Variants in RANBP2 observed in about 807,000 individuals in gnomAD.
RANBP2 encodes E3 SUMO-protein ligase RanBP2.
RANBP2 carries 57 observed loss-of-function variants against 303.6 expected under a neutral mutation model. That is an observed-to-expected ratio of 0.19 (90% confidence interval 0.15 to 0.23). RANBP2 has a LOEUF of 0.23. Among genes scored for constraint, RANBP2 ranks in the 10% least tolerant of loss-of-function variants. The probability of loss-of-function intolerance (pLI) is 1.00; values close to 1 mark genes in which losing one functional copy is unlikely to be tolerated. For synonymous variants in RANBP2, 1,167 were observed against 1,301.5 expected (o/e 0.90, Z 2.23); for missense variants, 3,138 against 3,780.8 (o/e 0.83, Z 4.46).
At chr2:109,337,438 C>T in the RANBP2 span, among the ~76,000 whole-genome samples, 3 of 152,190 alleles carry the variant, frequency 2.0e-5, no homozygotes, top group East Asian at 5.8e-4. Flanking sequence ...CTGTGGCCAC[C>T]CCCTCGCATA....
At chr2:108,992,162 A>G in the RANBP2 span, among the ~76,000 whole-genome samples, 1 of 152,156 alleles carries the variant, frequency 6.6e-6, no homozygotes, top group East Asian at 1.9e-4. Context: ...CTTGATACCC[A>G]TGTACCCCAT....
chr2:109,244,601 A>G, the RANBP2 span, among the ~76,000 whole-genome samples: 7 of 152,362 alleles, frequency 4.6e-5, no homozygotes, highest in Non-Finnish European at 7.3e-5. Context: ...AGCTGGCAGG[A>G]TGAGGAAAAC....
the RANBP2 span, among the ~76,000 whole-genome samples, chr2:108,909,723 A>C: frequency 6.6e-6 from 1 of 152,228 alleles, no homozygotes; most frequent in Non-Finnish European, 1.5e-5. Context: ...GATGAATAAA[A>C]TATTGACTTC....
At chr2:109,372,127 G>C in the RANBP2 span, among the ~76,000 whole-genome samples, 1 of 152,344 alleles carries the variant, frequency 6.6e-6, no homozygotes, top group Non-Finnish European at 1.5e-5. Flanking sequence ...CATCTGCAAA[G>C]TCCTCCTTGG....
At chr2:108,911,983 C>A in the RANBP2 span, among the ~76,000 whole-genome samples, 2 of 152,230 alleles carry the variant, frequency 1.3e-5, no homozygotes, top group Non-Finnish European at 2.9e-5. Context: ...GCTACTCCCC[C>A]CGGGGCCTGT....
chr2:108,866,194 G>A, the RANBP2 span, among the ~76,000 whole-genome samples: 1 of 152,190 alleles, frequency 6.6e-6, no homozygotes, highest in African/African-American at 2.4e-5. Context: ...TTGGAAGAAG[G>A]AAGGTCCAGG....
the RANBP2 span, among the ~76,000 whole-genome samples, chr2:109,285,980 G>C: frequency 6.6e-6 from 1 of 152,188 alleles, no homozygotes; most frequent in African/African-American, 2.4e-5. Context: ...CTGCAGGACA[G>C]TTTGCCTAGG....
chr2:109,240,914 T>A, the RANBP2 span, among the ~76,000 whole-genome samples: 1 of 138,352 alleles, frequency 7.2e-6, no homozygotes, highest in Non-Finnish European at 1.5e-5. Flanking sequence ...TGCTCCCCGC[T>A]TCTTTTCTCA....
intron 1 of RANBP2, among the ~76,000 whole-genome samples, chr2:108,725,927 C>T (rs1396334028): frequency 1.3e-5 from 2 of 152,030 alleles, no homozygotes; most frequent in Non-Finnish European, 2.9e-5. Flanking sequence ...TCTCTCACCT[C>T]CTTGTTTACA....
chr2:109,020,923 C>A, the RANBP2 span, among the ~76,000 whole-genome samples: 6 of 152,202 alleles, frequency 3.9e-5, no homozygotes, highest in Admixed American at 1.3e-4. Flanking sequence ...TGAAAGACCA[C>A]CATGACCCAT....
At chr2:109,626,035 A>C in the RANBP2 span, among the ~76,000 whole-genome samples, 1 of 152,224 alleles carries the variant, frequency 6.6e-6, no homozygotes, top group African/African-American at 2.4e-5. Flanking sequence ...TGTCTACTAC[A>C]TTTTTCTGTG....
chr2:109,639,820 C>G, the RANBP2 span, among the ~76,000 whole-genome samples: 1 of 151,060 alleles, frequency 6.6e-6, no homozygotes, highest in Non-Finnish European at 1.5e-5. Context: ...AGACAAGTCT[C>G]CTGCCTCAGC....
At chr2:109,339,836 C>A in the RANBP2 span, among the ~76,000 whole-genome samples, 1 of 152,314 alleles carries the variant, frequency 6.6e-6, no homozygotes, top group African/African-American at 2.4e-5. Context: ...ACCCTCCTGG[C>A]CCAACGGATG....
the RANBP2 span, among the ~76,000 whole-genome samples, chr2:109,569,589 G>C: frequency 4.9e-4 from 75 of 152,042 alleles, 1 homozygote; most frequent in East Asian, 0.011. Context: ...TGAAATTGAT[G>C]GCAGAAAACT....
At chr2:109,761,893 A>G in the RANBP2 span, among the ~76,000 whole-genome samples, 2 of 151,648 alleles carry the variant, frequency 1.3e-5, no homozygotes, top group African/African-American at 4.9e-5. Context: ...CTAAAACTGC[A>G]TGTGGTGTGC....
At chr2:109,167,402 G>A in the RANBP2 span, among the ~76,000 whole-genome samples, 1 of 152,122 alleles carries the variant, frequency 6.6e-6, no homozygotes, top group Non-Finnish European at 1.5e-5. Flanking sequence ...TAAAAGTATT[G>A]GGGAGACTTG....
chr2:108,946,625 C>A, the RANBP2 span, among the ~76,000 whole-genome samples: 1 of 152,176 alleles, frequency 6.6e-6, no homozygotes, highest in African/African-American at 2.4e-5. Context: ...AACTTACAGT[C>A]ATAGCAGAAG....
the RANBP2 span, among the ~76,000 whole-genome samples, chr2:109,734,700 A>G: frequency 6.6e-6 from 1 of 152,160 alleles, no homozygotes. Context: ...CTTTATAAGG[A>G]AGAATAGAGT....
At chr2:108,823,777 C>G in the RANBP2 span, among the ~76,000 whole-genome samples, 1 of 151,956 alleles carries the variant, frequency 6.6e-6, no homozygotes, top group Non-Finnish European at 1.5e-5. Flanking sequence ...GTCAGGAGTT[C>G]GAGACCAGCC....
Sources: gnomAD v4.1 joint callset for allele counts (sites outside exome capture counted in the v4.1 genomes callset) on GRCh38, gnomAD v4.1.1 for gene constraint, MANE v1.5 for transcripts, NCBI Gene and HGNC (gene_info 2026-07-23, HGNC 2026-07-21) for gene names.